RBFOX1: variants seen among roughly 807,000 people sequenced by gnomAD.
The protein encoded by RBFOX1 is RNA binding protein fox-1 homolog 1.
Under a neutral mutation model 57.7 loss-of-function variants are expected in RBFOX1, and 8 were observed. The ratio of observed to expected loss-of-function variants is 0.14; its 90% CI spans 0.08 to 0.25. RBFOX1 has a LOEUF of 0.25. RBFOX1 is among the 10% of genes least tolerant of loss of function. The pLI, the probability that RBFOX1 is intolerant of heterozygous loss-of-function variation, is 1.00. For synonymous variants in RBFOX1, 326 were observed against 222.4 expected (o/e 1.47, Z -4.15); for missense variants, 611 against 548.5 (o/e 1.11, Z -1.14).
intron 3 of RBFOX1, among the ~76,000 whole-genome samples, chr16:7,012,688 C>G (rs1428469326): frequency 1.1e-4 from 17 of 152,162 alleles, no homozygotes; most frequent in Non-Finnish European, 2.5e-4. Flanking sequence ...CTGACTTTAT[C>G]AGCAAAGGGA....
intron 14 of RBFOX1, among the ~76,000 whole-genome samples, chr16:7,688,463 AC>A (rs1383181795): frequency 6.6e-6 from 1 of 152,012 alleles, no homozygotes; most frequent in African/African-American, 2.4e-5. Context: ...TTTACGTCCC[AC>A]CTGCCCGCAC....
At chr16:6,687,386 T>C (rs2059593937) in intron 3 of RBFOX1, among the ~76,000 whole-genome samples, 1 of 152,206 alleles carries the variant, frequency 6.6e-6, no homozygotes, top group Non-Finnish European at 1.5e-5. Context: ...AATTCACCAC[T>C]ATATAATTCA....
intron 1 of RBFOX1, among the ~76,000 whole-genome samples, chr16:6,154,795 C>T (rs370284641): frequency 1.2e-4 from 18 of 151,934 alleles, no homozygotes; most frequent in African/African-American, 3.9e-4. Flanking sequence ...GACTACAGGT[C>T]GTACTGTGTG....
chr16:6,964,773 C>A (rs146862895), intron 3 of RBFOX1, among the ~76,000 whole-genome samples: 1 of 152,156 alleles, frequency 6.6e-6, no homozygotes, highest in African/African-American at 2.4e-5. Flanking sequence ...TTAAGAACTT[C>A]TCAGCAGGGC....
At chr16:6,566,221 G>T (rs902926419) in intron 2 of RBFOX1, among the ~76,000 whole-genome samples, 1 of 152,274 alleles carries the variant, frequency 6.6e-6, no homozygotes, top group Admixed American at 6.5e-5. Flanking sequence ...TAATTTTTTG[G>T]TGAAAAGCAA....
chr16:5,999,638 G>A (rs529238630), intron 4 of RBFOX1, among the ~76,000 whole-genome samples: 1 of 152,064 alleles, frequency 6.6e-6, no homozygotes, highest in Admixed American at 6.6e-5. Context: ...GAGGTGGGCG[G>A]ATCACGAGGT....
intron 2 of RBFOX1, among the ~76,000 whole-genome samples, chr16:6,649,947 A>G (rs1247883182): frequency 6.6e-6 from 1 of 152,206 alleles, no homozygotes; most frequent in Non-Finnish European, 1.5e-5. Flanking sequence ...TATTTTTGCC[A>G]CTGTGAATTG....
chr16:6,641,323 T>TC (rs2098485800), intron 2 of RBFOX1, among the ~76,000 whole-genome samples: 1 of 152,112 alleles, frequency 6.6e-6, no homozygotes, highest in Non-Finnish European at 1.5e-5. Context: ...ACCAAGGCGT[T>TC]CACCTTCACT....
chr16:5,310,334 G>A (rs1444142344), intron 1 of RBFOX1, among the ~76,000 whole-genome samples: 8 of 152,112 alleles, frequency 5.3e-5, no homozygotes, highest in Non-Finnish European at 8.8e-5. Context: ...TCAGGAGGAG[G>A]AGGTTGCAGT....
rs555291284 is a variant in RBFOX1, at chr16:6,192,527, A to C, written c.-126-124468A>C. Among the ~76,000 whole-genome samples the C allele has an allele frequency of 3.9e-5, 6 of 151,954 alleles. No homozygotes were observed. In the South Asian group the frequency reaches 1.3e-3, roughly 32 times the overall value. On this transcript the variant is annotated intron_variant, in intron 1 of 15. Transcript: ENST00000550418. ...ACATGCACAGCTCACACACCGTTTT[A>C]CCTATCTCTTAACTGACAGCTTTAA...
At chr16:6,942,005 G>C (rs989231228) in intron 3 of RBFOX1, among the ~76,000 whole-genome samples, 2 of 152,246 alleles carry the variant, frequency 1.3e-5, no homozygotes, top group South Asian at 2.1e-4. Context: ...GAGGTGGGCA[G>C]ATAATTTGAA....
At chr16:5,989,215 C>T (rs2060341363) in intron 4 of RBFOX1, among the ~76,000 whole-genome samples, 1 of 151,266 alleles carries the variant, frequency 6.6e-6, no homozygotes, top group African/African-American at 2.4e-5. Flanking sequence ...CCTGTAGTCC[C>T]AGCTGCTCGG....
intron 3 of RBFOX1, among the ~76,000 whole-genome samples, chr16:6,880,025 C>G (rs1021394079): frequency 9.9e-5 from 15 of 152,166 alleles, no homozygotes; most frequent in African/African-American, 2.7e-4. Context: ...TGAAGCGCCT[C>G]TGTTTCCTCC....
At chr16:5,394,412 C>T (rs1364522794) in intron 1 of RBFOX1, among the ~76,000 whole-genome samples, 1 of 152,132 alleles carries the variant, frequency 6.6e-6, no homozygotes, top group Non-Finnish European at 1.5e-5. Flanking sequence ...TGATCTTCCC[C>T]AAATCATTGT....
intron 4 of RBFOX1, among the ~76,000 whole-genome samples, chr16:7,177,371 T>C (rs1183061179): frequency 6.6e-6 from 1 of 152,052 alleles, no homozygotes; most frequent in African/African-American, 2.4e-5. Flanking sequence ...CACAGAGGAA[T>C]GATAAATGCT....
intron 2 of RBFOX1, among the ~76,000 whole-genome samples, chr16:6,399,231 C>G (rs2092967143): frequency 6.6e-6 from 1 of 152,240 alleles, no homozygotes; most frequent in African/African-American, 2.4e-5. Context: ...GCCCATGAAA[C>G]CACTTTTCCC....
chr16:6,315,521 G>T (rs976538735), intron 1 of RBFOX1, among the ~76,000 whole-genome samples: 1 of 147,462 alleles, frequency 6.8e-6, no homozygotes. Flanking sequence ...GGGTGGATGG[G>T]TGGGTGAGTA....
chr16:7,443,844 A>G (rs1008282299), intron 4 of RBFOX1, among the ~76,000 whole-genome samples: 1 of 152,192 alleles, frequency 6.6e-6, no homozygotes, highest in South Asian at 2.1e-4. Flanking sequence ...CCTTGAGGCT[A>G]ATTAGGGATG....
intron 4 of RBFOX1, among the ~76,000 whole-genome samples, chr16:7,435,662 C>G (rs2098715855): frequency 6.6e-6 from 1 of 152,200 alleles, no homozygotes; most frequent in Admixed American, 6.5e-5. Context: ...ATTTGGCTCA[C>G]TACCAGGAAC....
Sources: allele counts gnomAD v4.1 joint callset (sites outside exome capture counted in the v4.1 genomes callset), GRCh38; gene constraint gnomAD v4.1.1; transcripts MANE v1.5; gene names NCBI Gene and HGNC (gene_info 2026-07-23, HGNC 2026-07-21).